The following ZNRD2 variants were observed in gnomAD, a reference collection of about 807,000 sequenced individuals.
ZNRD2 encodes the protein zinc ribbon domain containing 2, also known as protein ZNRD2.
Under a neutral mutation model 22.0 loss-of-function variants are expected in ZNRD2, and 16 were observed. The observed-to-expected ratio is 0.73, with a 90% CI of 0.49 to 1.11. The LOEUF is 1.11. Among genes scored for constraint, ZNRD2 ranks in the 50% least tolerant of loss-of-function variants. The pLI is 0.00. For synonymous variants in ZNRD2, 105 were observed against 109.8 expected (o/e 0.96, Z 0.27); for missense variants, 269 against 258.9 (o/e 1.04, Z -0.27).
chr11:65,571,074 G>T, intron 3 of ZNRD2, 104 bp downstream of exon 3: 1 of 1,116,438 alleles, frequency 9.0e-7, no homozygotes, highest in South Asian at 1.4e-5. Context: ...AGAGGTGACA[G>T]TGGAGTCTCT....
intron 2 of ZNRD2, 56 bp downstream of exon 2, chr11:65,570,811 G>C (rs1857110216): frequency 1.9e-6 from 3 of 1,612,542 alleles, no homozygotes; most frequent in Admixed American, 3.3e-5. Context: ...AGGCCACTCA[G>C]CCCTTCCCCG....
At chr11:65,571,156 G>C (rs1857117356) in intron 3 of ZNRD2, among the ~76,000 whole-genome samples, 186 bp downstream of exon 3, 1 of 152,164 alleles carries the variant, frequency 6.6e-6, no homozygotes. Context: ...AGAGCACCAA[G>C]CACCTCCTGT....
chr11:65,570,499 T>G lies in ZNRD2; in HGVS notation c.8T>G (p.Leu3Arg), dbSNP rs887896917. The change falls in exon 1 of 4, where the codon CTG becomes CGG. Residue 3 changes from leucine (L) to arginine (R), a missense_variant. Transcript: ENST00000309328. ...GGCGGTGACAACGGCAACATGGCCC[T>G]GAACGGAGCTGGTGAGGACCTGGGC... MA[L>R]NGAEVDDFSW... 27 of 1,613,682 alleles carry G rather than the reference T, an allele frequency of 1.7e-5. No individual in the cohort carries two copies. Among genetic ancestry groups the G allele is most frequent in the Non-Finnish European group, 2.3e-5 (27 of 1,179,976 alleles).
Position 65,571,699 on chromosome 11 carries a change from G to C in ZNRD2, c.565G>C (p.Glu189Gln), listed in dbSNP as rs1857132083. The C allele has an allele frequency of 6.2e-7, 1 of 1,613,416 alleles. No individual in the cohort carries two copies. Among genetic ancestry groups the C allele is most frequent in the African/African-American group, 1.3e-5 (1 of 75,062 alleles). ...GTGTGGCCTTATCCGCGCATGTGCG[G>C]AGGCCCTGCGCAGCCTGCAGCAGCT... ...QLCGLIRACA[E>Q]ALRSLQQLQH The change falls in exon 4 of 4, where the codon GAG (glutamate) becomes CAG (glutamine). Residue 189 changes from glutamate (E) to glutamine (Q), a missense_variant. By Grantham distance (29) the Glu-to-Gln change is conservative (BLOSUM62 2). Transcript: ENST00000309328.
At position 65,571,810 on chromosome 11, in the gene ZNRD2, G is replaced by A. The variant is rs889130562; in HGVS notation, c.*76G>A. On this transcript the variant is annotated 3_prime_UTR_variant, in exon 4 of 4. Transcript: ENST00000309328. ...GTTTGTTTTTTTCCTGGTTCCAAGTGTGCATGCCAGCCCCAGCTCCACTCA... is the reference window on the plus strand; with the variant it reads ...GTTTGTTTTTTTCCTGGTTCCAAGTATGCATGCCAGCCCCAGCTCCACTCA... 1.6e-5 allele frequency: 23 copies of A among 1,462,114 alleles called. No homozygotes were observed. The African/African-American group carries it at 2.7e-4, about 17-fold the overall frequency. The allele number at this position is 1,462,114 out of a possible 1,614,324, so 90.6% of individuals were successfully genotyped here. A position where few individuals can be genotyped will look rare whatever the true frequency, so the allele number is the denominator to read the frequency against.
chr11:65,571,402 C>T lies in ZNRD2; in HGVS notation c.268C>T (p.Gln90Ter), dbSNP rs770139767. ...TCTCCTCTTTTTAGCTCTGAATGCC[C>T]AGGCTGCCCTCTCCCAAGCTCGGGA... ...VDKDNPALNA[Q>*]AALSQAREHQ... is the part of the protein sequence containing the mutation. The change falls in exon 4 of 4, where the codon CAG (glutamine) becomes TAG (stop). Residue 90 changes from glutamine (Q) to a stop codon, truncating the protein, a stop_gained. Coordinates refer to ENST00000309328, the MANE Select transcript of ZNRD2 (RefSeq NM_006396.3). LOFTEE classifies it high-confidence loss of function. 1.9e-6 allele frequency: 3 copies of T among 1,593,634 alleles called. No individual in the cohort carries two copies. The highest frequency in any genetic ancestry group is 1.1e-5 in the South Asian group (1 of 89,730).
rs368401218 is a variant in ZNRD2 at position 65,570,970 on chromosome 11, G to C, written c.256G>C (p.Ala86Pro). The change falls in exon 3 of 4, where the codon GCT becomes CCT. Residue 86 changes from alanine to proline, a missense_variant and splice_region_variant. Ala to Pro is a conservative substitution (Grantham distance 27, BLOSUM62 -1). Transcript: ENST00000309328. ...LDSDVDKDNPALNAQAALSQA... is the reference protein window; with the variant it reads ...LDSDVDKDNPPLNAQAALSQA... ...CTCAGACGTGGATAAAGATAATCCC[G>C]GTAAGAGTAAAAAATAATCCGGGAG... The C allele has an allele frequency of 3.7e-6, 6 of 1,613,826 alleles. No individual in the cohort carries two copies. The Admixed American group carries it at 1.0e-4, about 27-fold the overall frequency.
rs139666819 is a variant in ZNRD2 at position 65,570,495 on chromosome 11, G to A, written c.4G>A (p.Ala2Thr). 6 of 1,613,760 alleles carry A rather than the reference G, an allele frequency of 3.7e-6. No homozygotes were observed. The highest frequency in any genetic ancestry group is 1.3e-5 in the African/African-American group (1 of 75,054). Residue 2 changes from alanine (A) to threonine (T), a missense_variant, in exon 1 of 4, where the codon GCC (alanine) becomes ACC (threonine). By Grantham distance (58) the Ala-to-Thr change is moderately conservative. Transcript: ENST00000309328. ...GCCCGGCGGTGACAACGGCAACATG[G>A]CCCTGAACGGAGCTGGTGAGGACCT... MALNGAEVDDFS... is the reference protein window; with the variant it reads MTLNGAEVDDFS...
chr11:65,570,823 C>T (rs1857110573), intron 2 of ZNRD2, 63 bp from the exon 3 acceptor site: 1 of 1,612,718 alleles, frequency 6.2e-7, no homozygotes, highest in African/African-American at 1.3e-5. Context: ...CCTTCCCCGG[C>T]CCTCCCCTCT....
rs1226843172 is a variant in ZNRD2, at chr11:65,571,466, C to G, written c.332C>G (p.Ser111Cys). 3.1e-6 allele frequency: 5 copies of G among 1,613,694 alleles called. No homozygotes were observed. The highest frequency in any genetic ancestry group is 4.2e-6 in the Non-Finnish European group (5 of 1,180,006). The stretch of plus-strand genomic sequence containing the variant: ...TCAGCCTCAGAGCTCCCCCTGGGCT[C>G]TCGACCTGCGCCCCAGCCCCCAGTA... ...LASASELPLG[S>C]RPAPQPPVPR... is the part of the protein sequence containing the mutation. Residue 111 changes from serine to cysteine, a missense_variant, in exon 4 of 4, where the codon TCT becomes TGT. Physicochemically the swap from Ser to Cys is moderately radical, Grantham distance 112. Transcript: ENST00000309328.
intron 3 of ZNRD2, 66 bp downstream of exon 3, chr11:65,571,036 T>A: frequency 6.8e-7 from 1 of 1,476,952 alleles, no homozygotes; most frequent in South Asian, 1.2e-5. Context: ...GGTTAAGTGG[T>A]GATAGAGGCC....
chr11:65,570,520 T>TGGGC lies in ZNRD2; in HGVS notation c.19+13_19+16dup. Reference sequence around the variant, plus strand: ...GCCCTGAACGGAGCTGGTGAGGACCTGGGCGGCAGGGGTTTGTGGCTGTGA... The same window carrying TGGGC: ...GCCCTGAACGGAGCTGGTGAGGACCTGGGCGGGCGGCAGGGGTTTGTGGCTGTGA... On this transcript the variant is annotated intron_variant, in intron 1 of 3. Transcript: ENST00000309328. 1 of 1,613,884 alleles carries TGGGC rather than the reference T, an allele frequency of 6.2e-7. No individual in the cohort carries two copies. Among genetic ancestry groups the TGGGC allele is most frequent in the South Asian group, 1.1e-5 (1 of 91,066 alleles).
In ZNRD2 at chr11:65,571,644, T is replaced by C; in HGVS notation, c.510T>C (p.Ser170=). ...KLTWASAELG[S]STSLETSIQL... ...CCTGGGCCTCTGCTGAACTGGGCTCTAGCACCTCCCTGGAGACTAGCATCC... is the reference window on the plus strand; with the variant it reads ...CCTGGGCCTCTGCTGAACTGGGCTCCAGCACCTCCCTGGAGACTAGCATCC... The change falls in exon 4 of 4, where the codon TCT becomes TCC. Residue 170 remains serine, a synonymous_variant. Coordinates refer to ENST00000309328, the MANE Select transcript of ZNRD2 (RefSeq NM_006396.3). 1 of 1,614,096 alleles carries C rather than the reference T, an allele frequency of 6.2e-7. No individual in the cohort carries two copies. The highest frequency in any genetic ancestry group is 8.5e-7 in the Non-Finnish European group (1 of 1,180,028).
intron 3 of ZNRD2, 96 bp from the exon 4 acceptor site, chr11:65,571,295 C>A: frequency 6.9e-7 from 1 of 1,455,646 alleles, no homozygotes; most frequent in Non-Finnish European, 9.1e-7. Context: ...GGGAAAACAC[C>A]TCAAGCACAG....
At chr11:65,571,305 G>T in intron 3 of ZNRD2, 86 bp from the exon 4 acceptor site, 1 of 1,483,470 alleles carries the variant, frequency 6.7e-7, no homozygotes. Context: ...CTCAAGCACA[G>T]AAAGAGCAGA....
rs1244175922 is a variant in ZNRD2 at position 65,570,740 on chromosome 11, G to T, written c.156G>T (p.Thr52=). Residue 52 remains threonine, a synonymous_variant, in exon 2 of 4, where the codon ACG becomes ACT. Transcript: ENST00000309328. ...LLRGYRMLGE[T]CADCGTILLQ... is the part of the protein sequence containing the mutation. ...GCGGTTACCGCATGCTGGGCGAGAC[G>T]TGTGCGGACTGCGGGGTGAGGCGAG... 6.2e-7 allele frequency: 1 copy of T among 1,613,726 alleles called. No individual in the cohort carries two copies. Among genetic ancestry groups the T allele is most frequent in the African/African-American group, 1.3e-5 (1 of 74,948 alleles).
Position 65,570,611 on chromosome 11 carries a change from C to T in ZNRD2, c.27C>T (p.Asp9=). ...TATGCCTCTCTTCCCCAGAAGTCGA[C>T]GACTTCTCCTGGGAGCCCCCGACTG... MALNGAEV[D]DFSWEPPTEA... The change falls in exon 2 of 4, where the codon GAC becomes GAT. Residue 9 remains aspartate (D), a synonymous_variant. Coordinates refer to ENST00000309328, the MANE Select transcript of ZNRD2 (RefSeq NM_006396.3). 1.2e-6 allele frequency: 2 copies of T among 1,613,900 alleles called. No homozygotes were observed. Among genetic ancestry groups the T allele is most frequent in the South Asian group, 1.1e-5 (1 of 91,088 alleles).
At chr11:65,570,840 C>T in intron 2 of ZNRD2, 46 bp from the exon 3 acceptor site, 3 of 1,613,670 alleles carry the variant, frequency 1.9e-6, no homozygotes, top group Non-Finnish European at 2.5e-6. Flanking sequence ...CTCTGGACCC[C>T]ATTGCCGGCG....
chr11:65,571,619 C>G lies in ZNRD2; in HGVS notation c.485C>G (p.Thr162Ser). ...CTQTALLQKL[T>S]WASAELGSST... is the part of the protein sequence containing the mutation. ...CAGACAGCCCTCTTGCAGAAGCTGA[C>G]CTGGGCCTCTGCTGAACTGGGCTCT... The change falls in exon 4 of 4, where the codon ACC becomes AGC. Residue 162 changes from threonine to serine, a missense_variant. Coordinates refer to ENST00000309328, the MANE Select transcript of ZNRD2 (RefSeq NM_006396.3). 1 of 1,614,152 alleles carries G rather than the reference C, an allele frequency of 6.2e-7. No individual in the cohort carries two copies. The highest frequency in any genetic ancestry group is 8.5e-7 in the Non-Finnish European group (1 of 1,180,042).
Sources: allele counts gnomAD v4.1 joint callset (sites outside exome capture counted in the v4.1 genomes callset), GRCh38; gene constraint gnomAD v4.1.1; transcripts MANE v1.5; gene names NCBI Gene and HGNC (gene_info 2026-07-23, HGNC 2026-07-21).